Variants in GRIK2 observed in about 807,000 individuals in gnomAD.
GRIK2 encodes the protein glutamate ionotropic receptor kainate type subunit 2, also known as glutamate receptor ionotropic, kainate 2.
Under a neutral mutation model 100.3 loss-of-function variants are expected in GRIK2, and 32 were observed. The ratio of observed to expected loss-of-function variants is 0.32; its 90% CI spans 0.24 to 0.43. GRIK2 has a LOEUF of 0.43. Ranked by LOEUF, GRIK2 falls within the 20% of genes least tolerant of loss-of-function variation. The pLI is 1.00. For synonymous variants in GRIK2, 417 were observed against 389.4 expected, an observed-to-expected ratio of 1.07 and a Z score of -0.83; for missense variants, 843 against 1,114.9, an observed-to-expected ratio of 0.76 and a Z score of 3.47.
intron 2 of GRIK2, among the ~76,000 whole-genome samples, chr6:101,479,305 G>A (rs1225582833): frequency 6.6e-6 from 1 of 152,092 alleles, no homozygotes; most frequent in African/African-American, 2.4e-5. Context: ...AGGGCTGTAA[G>A]TGATATTTGT....
intron 14 of GRIK2, among the ~76,000 whole-genome samples, chr6:102,035,123 C>T (rs1380070197): frequency 2.0e-5 from 3 of 149,660 alleles, no homozygotes; most frequent in African/African-American, 7.4e-5. Context: ...TTAAATAAAT[C>T]TATACTATAC....
chr6:101,883,687 A>G (rs1786421922), intron 11 of GRIK2, among the ~76,000 whole-genome samples: 1 of 152,126 alleles, frequency 6.6e-6, no homozygotes, highest in African/African-American at 2.4e-5. Context: ...AAGCACATGA[A>G]TGAAATGAAA....
intron 7 of GRIK2, among the ~76,000 whole-genome samples, chr6:101,723,259 T>C (rs567146429): frequency 6.6e-6 from 1 of 151,944 alleles, no homozygotes; most frequent in South Asian, 2.1e-4. Flanking sequence ...TCACAAAAAA[T>C]AAATCTATAT....
At chr6:101,559,404 T>C (rs564192333) in intron 2 of GRIK2, among the ~76,000 whole-genome samples, 1 of 152,094 alleles carries the variant, frequency 6.6e-6, no homozygotes, top group Non-Finnish European at 1.5e-5. Flanking sequence ...ATTCCCCACA[T>C]AAGTATTCCT....
At chr6:101,800,694 A>C (rs943189250) in intron 8 of GRIK2, among the ~76,000 whole-genome samples, 3 of 152,100 alleles carry the variant, frequency 2.0e-5, no homozygotes, top group African/African-American at 7.2e-5. Context: ...TAGATGAATT[A>C]ATAGTTTCGA....
intron 2 of GRIK2, among the ~76,000 whole-genome samples, chr6:101,604,992 C>G (rs1779379529): frequency 6.6e-6 from 1 of 151,922 alleles, no homozygotes; most frequent in Non-Finnish European, 1.5e-5. Context: ...TGGAATCTTA[C>G]ATAATTAGTG....
intron 12 of GRIK2, chr6:101,891,573 A>AT (rs913365122): frequency 8.7e-5 from 34 of 389,978 alleles, no homozygotes; most frequent in African/African-American, 7.5e-4. Flanking sequence ...CACACAGATA[A>AT]TTTTTTACAT....
intron 2 of GRIK2, among the ~76,000 whole-genome samples, chr6:101,527,886 T>C (rs1045535219): frequency 6.6e-6 from 1 of 152,192 alleles, no homozygotes; most frequent in African/African-American, 2.4e-5. Context: ...TATTTTTCCT[T>C]GTAGACCAAG....
intron 12 of GRIK2, among the ~76,000 whole-genome samples, chr6:101,897,993 C>A (rs376232080): frequency 2.0e-5 from 3 of 151,502 alleles, no homozygotes; most frequent in South Asian, 2.1e-4. Context: ...AGGTGAGGGA[C>A]AATTGAGAGA....
intron 2 of GRIK2, among the ~76,000 whole-genome samples, chr6:101,493,979 T>C (rs1004368938): frequency 2.8e-5 from 4 of 144,784 alleles, no homozygotes; most frequent in Admixed American, 1.4e-4. Context: ...ATAATTTATA[T>C]ATTATATAAA....
chr6:101,658,270 T>C (rs2128332244), intron 4 of GRIK2, among the ~76,000 whole-genome samples: 1 of 152,284 alleles, frequency 6.6e-6, no homozygotes, highest in African/African-American at 2.4e-5. Context: ...GTTCTTATTG[T>C]TCAACTCCCA....
intron 14 of GRIK2, among the ~76,000 whole-genome samples, chr6:101,995,973 C>G (rs544836926): frequency 4.1e-4 from 62 of 151,994 alleles, no homozygotes; most frequent in Non-Finnish European, 5.6e-4. Context: ...GAAGATATTT[C>G]AAGGAGAATA....
chr6:101,595,491 CA>C (rs1240951240), intron 2 of GRIK2, among the ~76,000 whole-genome samples: 2 of 151,422 alleles, frequency 1.3e-5, no homozygotes, highest in Non-Finnish European at 3.0e-5. Flanking sequence ...ACATTCCAGC[CA>C]GATGATGCCA....
At chr6:101,493,109 C>A (rs1773228808) in intron 2 of GRIK2, among the ~76,000 whole-genome samples, 1 of 151,440 alleles carries the variant, frequency 6.6e-6, no homozygotes, top group South Asian at 2.1e-4. Context: ...ATAATACAGA[C>A]AAGAAAGAGA....
rs181700864 is a variant in GRIK2 at position 101,476,929 on chromosome 6, A to T, written c.115+77537A>T. ...TAGCATGGCCAACCTAAAAGAACCT[A>T]TACTATTAAAATATTCGAGTCTTAA... On this transcript the variant is annotated intron_variant, in intron 2 of 16. Transcript: ENST00000369134. Among the ~76,000 whole-genome samples, 146 of 152,296 alleles carry T rather than the reference A, an allele frequency of 9.6e-4. 1 individual carries two copies. The highest frequency in any genetic ancestry group is 3.4e-3 in the Middle Eastern group (1 of 294).
At chr6:101,829,694 G>A (rs538587878) in intron 10 of GRIK2, among the ~76,000 whole-genome samples, 11 of 151,736 alleles carry the variant, frequency 7.2e-5, no homozygotes, top group East Asian at 3.9e-4. Flanking sequence ...TAAAAAATGC[G>A]AAATGTCTTT....
intron 14 of GRIK2, among the ~76,000 whole-genome samples, chr6:101,948,095 T>C (rs1014034420): frequency 7.2e-5 from 11 of 152,204 alleles, no homozygotes; most frequent in Non-Finnish European, 1.2e-4. Flanking sequence ...TTTATTTGTT[T>C]GGAAAATATT....
intron 7 of GRIK2, among the ~76,000 whole-genome samples, chr6:101,698,914 A>G (rs775066651): frequency 7.9e-5 from 12 of 152,134 alleles, no homozygotes; most frequent in Non-Finnish European, 1.5e-4. Context: ...TGAGAATGTT[A>G]TGTGCCCAAT....
intron 4 of GRIK2, among the ~76,000 whole-genome samples, chr6:101,631,118 T>C (rs1316931342): frequency 6.6e-6 from 1 of 152,152 alleles, no homozygotes; most frequent in Non-Finnish European, 1.5e-5. Context: ...TGAATGCTTT[T>C]AAACACGCTG....
Sources: gnomAD v4.1 joint callset for allele counts (sites outside exome capture counted in the v4.1 genomes callset) on GRCh38, gnomAD v4.1.1 for gene constraint, MANE v1.5 for transcripts, NCBI Gene and HGNC (gene_info 2026-07-23, HGNC 2026-07-21) for gene names.